The following RNLS variants were observed in gnomAD, a reference collection of about 807,000 sequenced individuals.
RNLS encodes renalase.
Under a neutral mutation model 39.8 loss-of-function variants are expected in RNLS, and 39 were observed. The ratio of observed to expected loss-of-function variants is 0.98; its 90% CI spans 0.76 to 1.28. The LOEUF is 1.28. RNLS is among the 50% of genes most tolerant of loss of function. The probability of loss-of-function intolerance (pLI) is 0.00; values close to 1 mark genes in which losing one functional copy is unlikely to be tolerated. For synonymous variants in RNLS, 147 were observed against 150.7 expected (o/e 0.98, Z 0.18); for missense variants, 410 against 413.3 (o/e 0.99, Z 0.07).
intron 4 of RNLS, among the ~76,000 whole-genome samples, chr10:88,446,405 C>T (rs1233000187): frequency 6.6e-6 from 1 of 152,078 alleles, no homozygotes; most frequent in Admixed American, 6.6e-5. Context: ...ATTAAGAGAA[C>T]TAGAGAAGCA....
intron 4 of RNLS, among the ~76,000 whole-genome samples, chr10:88,419,292 C>G (rs1237045817): frequency 1.3e-5 from 2 of 152,196 alleles, no homozygotes; most frequent in Non-Finnish European, 2.9e-5. Flanking sequence ...ACCTCTAAAC[C>G]CAGAACTAAC....
In RNLS at chr10:88,285,374, C is replaced by T; in HGVS notation, c.1009G>A (p.Ala337Thr). 6.2e-7 allele frequency: 1 copy of T among 1,611,950 alleles called. No individual in the cohort carries two copies. The highest frequency in any genetic ancestry group is 8.5e-7 in the Non-Finnish European group (1 of 1,178,654). ...CITSALCVLE[A>T]LKNYI ...AGGCACTAAATATAATTCTTTAAAGCTTCCAGAACACATAGGGCAGAAGTG... is the reference window on the plus strand; with the variant it reads ...AGGCACTAAATATAATTCTTTAAAGTTTCCAGAACACATAGGGCAGAAGTG... The change falls in exon 7 of 7, where the codon GCT (alanine) becomes ACT (threonine). Residue 337 changes from alanine to threonine, a missense_variant. Ala to Thr is a moderately conservative substitution (Grantham distance 58). Coordinates refer to ENST00000331772, the MANE Select transcript of RNLS (RefSeq NM_001031709.3).
At chr10:88,468,217 C>T (rs1202342729) in intron 4 of RNLS, among the ~76,000 whole-genome samples, 1 of 152,100 alleles carries the variant, frequency 6.6e-6, no homozygotes, top group Non-Finnish European at 1.5e-5. Context: ...TTAGCAACAA[C>T]AAAAAATGCT....
intron 4 of RNLS, among the ~76,000 whole-genome samples, chr10:88,457,504 C>T (rs1396918049): frequency 1.3e-5 from 2 of 152,212 alleles, no homozygotes; most frequent in African/African-American, 4.8e-5. Context: ...CTGCTGTAGT[C>T]CTACATTCAT....
chr10:88,577,562 T>C (rs1433439278), intron 3 of RNLS, among the ~76,000 whole-genome samples: 1 of 152,158 alleles, frequency 6.6e-6, no homozygotes, highest in Non-Finnish European at 1.5e-5. Context: ...TAGTATTAGA[T>C]AAATAGTCAG....
intron 4 of RNLS, among the ~76,000 whole-genome samples, chr10:88,424,129 C>G (rs956225433): frequency 1.3e-5 from 2 of 152,166 alleles, no homozygotes; most frequent in African/African-American, 4.8e-5. Context: ...TTTGTTAACT[C>G]TCTGAATCCC....
At chr10:88,574,932 T>C (rs906988032) in intron 3 of RNLS, among the ~76,000 whole-genome samples, 3 of 151,816 alleles carry the variant, frequency 2.0e-5, no homozygotes, top group African/African-American at 7.3e-5. Context: ...CATGGCCCTG[T>C]CCCAGACCTC....
At chr10:88,285,907 T>A (rs1843234184) in intron 6 of RNLS, among the ~76,000 whole-genome samples, 1 of 152,036 alleles carries the variant, frequency 6.6e-6, no homozygotes, top group African/African-American at 2.4e-5. Context: ...GGCAAACTCC[T>A]CATGAATGGA....
chr10:88,466,310 T>C (rs1402335888), intron 4 of RNLS, among the ~76,000 whole-genome samples: 1 of 151,998 alleles, frequency 6.6e-6, no homozygotes, highest in East Asian at 1.9e-4. Flanking sequence ...GGGGATAGTA[T>C]AATAGCTCAC....
At chr10:88,274,708 A>G in exon 7 of RNLS, 1 of 375,930 alleles carries the variant, frequency 2.7e-6, no homozygotes, top group Non-Finnish European at 5.0e-6. Flanking sequence ...ATAGATATCC[A>G]GATGTGGAAC....
chr10:88,518,840 G>A (rs906929451), intron 4 of RNLS, among the ~76,000 whole-genome samples: 2 of 152,000 alleles, frequency 1.3e-5, no homozygotes, highest in Non-Finnish European at 2.9e-5. Flanking sequence ...GCCTCCATTA[G>A]ACAGCTGGGA....
At chr10:88,381,485 T>TTA (rs146702583) in intron 4 of RNLS, among the ~76,000 whole-genome samples, 45 of 151,476 alleles carry the variant, frequency 3.0e-4, no homozygotes, top group South Asian at 8.3e-4. Context: ...GTATGTGTAT[T>TTA]TATATATATA....
intron 4 of RNLS, among the ~76,000 whole-genome samples, chr10:88,385,955 G>A (rs1026171097): frequency 1.5e-4 from 23 of 152,200 alleles, no homozygotes; most frequent in Non-Finnish European, 5.9e-5. Flanking sequence ...TGCCAGGCCT[G>A]ATTTAATAGC....
intron 6 of RNLS, among the ~76,000 whole-genome samples, chr10:88,288,542 G>A (rs1843445992): frequency 6.6e-6 from 1 of 152,050 alleles, no homozygotes; most frequent in Non-Finnish European, 1.5e-5. Context: ...CTCCATTTGT[G>A]GTAAAATTTT....
chr10:88,261,012 A>G, the RNLS span, among the ~76,000 whole-genome samples: 1 of 152,230 alleles, frequency 6.6e-6, no homozygotes, highest in African/African-American at 2.4e-5. Context: ...GGGGATGGAG[A>G]TATTAACAGA....
chr10:88,553,731 A>G (rs1419001466), intron 4 of RNLS, among the ~76,000 whole-genome samples: 4 of 152,132 alleles, frequency 2.6e-5, no homozygotes, highest in Non-Finnish European at 4.4e-5. Context: ...TCTACATTGT[A>G]CCACATAGAA....
chr10:88,508,513 G>A (rs1845919768), intron 4 of RNLS, among the ~76,000 whole-genome samples: 1 of 152,168 alleles, frequency 6.6e-6, no homozygotes, highest in Non-Finnish European at 1.5e-5. Flanking sequence ...TGGCATCAGT[G>A]TTTGGTATAA....
At chr10:88,191,850 G>A in the RNLS span, among the ~76,000 whole-genome samples, 22 of 152,162 alleles carry the variant, frequency 1.4e-4, no homozygotes, top group East Asian at 3.7e-3. Context: ...TGTGTAAAAC[G>A]AGGTCTGAGA....
the RNLS span, among the ~76,000 whole-genome samples, chr10:88,212,415 A>G: frequency 2.6e-5 from 4 of 152,202 alleles, no homozygotes; most frequent in Non-Finnish European, 5.9e-5. Context: ...CTCTCCTTCT[A>G]AAAGTTCTTC....
Sources: allele counts gnomAD v4.1 joint callset (sites outside exome capture counted in the v4.1 genomes callset), GRCh38; gene constraint gnomAD v4.1.1; transcripts MANE v1.5; gene names NCBI Gene and HGNC (gene_info 2026-07-23, HGNC 2026-07-21).